VWF: variants seen among roughly 807,000 people sequenced by gnomAD.
VWF encodes the protein von Willebrand factor, also known as Factor VIII related antigen.
In VWF, 176 loss-of-function variants were observed where a neutral mutation model predicts 308.6. That is an observed-to-expected ratio of 0.57 (90% CI 0.50 to 0.65). The LOEUF is 0.65. VWF is among the 30% of genes least tolerant of loss of function. The probability of loss-of-function intolerance (pLI) is 0.00; values close to 1 mark genes in which losing one functional copy is unlikely to be tolerated. For synonymous variants in VWF, 1,385 were observed against 1,443.4 expected (o/e 0.96, Z 0.92); for missense variants, 3,146 against 3,648.2 (o/e 0.86, Z 3.55).
rs549075567 is a variant in VWF at position 6,025,824 on chromosome 12, C to T, written c.3108+82G>A. Reference sequence around the variant, plus strand: ...GGTCATACCACCCACAACCCCCCTTCCAGCCCCCATGACAATGGGGACAGA... The same window carrying T: ...GGTCATACCACCCACAACCCCCCTTTCAGCCCCCATGACAATGGGGACAGA... On this transcript the variant is annotated intron_variant, in intron 23 of 51. Coordinates refer to ENST00000261405, the MANE Select transcript of VWF (RefSeq NM_000552.5). 8.0e-5 allele frequency: 129 copies of T among 1,606,132 alleles called. 1 individual carries two copies. In the South Asian group the frequency reaches 1.3e-3, roughly 16 times the overall value.
intron 38 of VWF, among the ~76,000 whole-genome samples, chr12:5,987,551 A>T (rs1943692649): frequency 6.6e-6 from 1 of 152,228 alleles, no homozygotes; most frequent in Non-Finnish European, 1.5e-5. Context: ...ACACCATCCT[A>T]GCCCTCGAAT....
At chr12:5,976,392 C>T in intron 42 of VWF, 132 bp from the exon 43 acceptor site, 1 of 1,161,934 alleles carries the variant, frequency 8.6e-7, no homozygotes, top group Non-Finnish European at 1.3e-6. Flanking sequence ...TGGTCTCCGC[C>T]CATATGCAGG....
At chr12:5,976,061 A>G in intron 43 of VWF, 50 bp downstream of exon 43, 1 of 1,608,952 alleles carries the variant, frequency 6.2e-7, no homozygotes, top group Non-Finnish European at 8.5e-7. Context: ...GCCCTCCTCT[A>G]CTTTCCCGCT....
intron 10 of VWF, among the ~76,000 whole-genome samples, chr12:6,066,622 G>A (rs1201880644): frequency 6.6e-6 from 1 of 152,250 alleles, no homozygotes; most frequent in African/African-American, 2.4e-5. Flanking sequence ...CCCCCTTTGG[G>A]GAACAGATGC....
chr12:6,013,435 T>G (rs1251237249), intron 32 of VWF, 46 bp downstream of exon 32: 1 of 1,611,124 alleles, frequency 6.2e-7, no homozygotes, highest in Non-Finnish European at 8.5e-7. Flanking sequence ...GGGTTTATTT[T>G]GGAACTTTTT....
chr12:5,994,787 G>C (rs1943791003), intron 35 of VWF, among the ~76,000 whole-genome samples, 180 bp from the exon 36 acceptor site: 1 of 152,202 alleles, frequency 6.6e-6, no homozygotes, highest in South Asian at 2.1e-4. Context: ...AACAGAGCTT[G>C]ACTTTACAGA....
chr12:6,025,715 G>A, intron 23 of VWF, 22 bp from the exon 24 acceptor site: 1 of 1,313,370 alleles, frequency 7.6e-7, no homozygotes, highest in Non-Finnish European at 1.1e-6. Flanking sequence ...GCAAGAGATA[G>A]GCCAGCCGTC....
chr12:6,074,941 G>T (rs553380339), intron 7 of VWF, among the ~76,000 whole-genome samples: 1 of 152,128 alleles, frequency 6.6e-6, no homozygotes, highest in Admixed American at 6.6e-5. Context: ...CACCACACAC[G>T]GACAGCCAGG....
rs1026800630 is a variant in VWF at position 5,969,732 on chromosome 12, C to T, written c.7549-341G>A. On this transcript the variant is annotated intron_variant, in intron 44 of 51. Transcript: ENST00000261405. ...TGGGCCATCAGTGGGAAGGTGCAGC[C>T]GGGAAGCTCAACCCATTTCCCAGGC... is the stretch of plus-strand genomic sequence containing the variant. Among the ~76,000 whole-genome samples, 30 of 152,314 alleles carry T rather than the reference C, an allele frequency of 2.0e-4. No individual in the cohort carries two copies. In the East Asian group the frequency reaches 4.8e-3, roughly 25 times the overall value.
chr12:6,080,528 G>A (rs545622336), intron 6 of VWF, among the ~76,000 whole-genome samples: 83 of 152,332 alleles, frequency 5.4e-4, no homozygotes, highest in African/African-American at 1.9e-3. Flanking sequence ...TGCAACATAG[G>A]ACTTAGGCTG....
At chr12:6,010,334 A>T (rs755183288) in intron 34 of VWF, among the ~76,000 whole-genome samples, 6 of 152,344 alleles carry the variant, frequency 3.9e-5, no homozygotes, top group Non-Finnish European at 4.4e-5. Flanking sequence ...CTGTAACAAC[A>T]CACTCAGCAA....
In VWF at chr12:6,012,682, C is replaced by CGTGT. The variant is rs139765093; in HGVS notation, c.5621-556_5621-553dup. Among the ~76,000 whole-genome samples, 670 of 143,828 alleles carry CGTGT rather than the reference C, an allele frequency of 4.7e-3. 8 individuals are homozygous for CGTGT. The highest frequency in any genetic ancestry group is 0.015 in the African/African-American group (572 of 38,086). 94.4% of individuals were successfully genotyped at this position (143,828 alleles called of 152,430 possible). A position where few individuals can be genotyped will look rare whatever the true frequency, so the allele number is the denominator to read the frequency against. On this transcript the variant is annotated intron_variant, in intron 32 of 51. Coordinates refer to ENST00000261405, the MANE Select transcript of VWF (RefSeq NM_000552.5). ...ACCCAGGCCCCCGCCACAAAAAAAG[C>CGTGT]GTGTGTGTGTGTGTGTGTGTATTTT... is the stretch of plus-strand genomic sequence containing the variant.
chr12:6,050,592 T>TGA (rs1944497626), intron 16 of VWF, among the ~76,000 whole-genome samples: 2 of 152,344 alleles, frequency 1.3e-5, no homozygotes, highest in Admixed American at 1.3e-4. Context: ...CATGCGTTCA[T>TGA]GCCAGAGGAC....
intron 21 of VWF, 151 bp from the exon 22 acceptor site, chr12:6,029,639 T>G: frequency 1.0e-6 from 1 of 988,162 alleles, no homozygotes; most frequent in South Asian, 1.4e-5. Flanking sequence ...ACTGCACCCC[T>G]GCAGGGCCAG....
chr12:5,952,450 A>G lies in VWF; in HGVS notation c.8056T>C (p.Trp2686Arg), dbSNP rs1943202509. 6.2e-7 allele frequency: 1 copy of G among 1,614,084 alleles called. No individual in the cohort carries two copies. Among genetic ancestry groups the G allele is most frequent in the African/African-American group, 1.3e-5 (1 of 74,948 alleles). ...CKVNERGEYF[W>R]EKRVTGCPPF... ...GGGCAGCCTGTGACCCTCTTCTCCC[A>G]GAAGTACTCTCCTCTCTCATTGACC... Residue 2686 changes from tryptophan (W) to arginine (R), a missense_variant, in exon 49 of 52, where the codon TGG (tryptophan) becomes CGG (arginine). Coordinates refer to ENST00000261405, the MANE Select transcript of VWF (RefSeq NM_000552.5).
chr12:6,066,232 C>G (rs1422242153), intron 10 of VWF, among the ~76,000 whole-genome samples: 1 of 152,210 alleles, frequency 6.6e-6, no homozygotes, highest in Non-Finnish European at 1.5e-5. Context: ...GGGGAGGCCT[C>G]TGCCAATGTC....
chr12:5,965,728 C>G (rs77641314), intron 47 of VWF, among the ~76,000 whole-genome samples: 4,354 of 152,272 alleles, frequency 0.029, 200 homozygotes, highest in African/African-American at 0.098. Flanking sequence ...ACAGCTACCC[C>G]CAACCCAGGA....
intron 6 of VWF, among the ~76,000 whole-genome samples, chr12:6,086,098 C>A (rs1243661294): frequency 1.3e-5 from 2 of 152,096 alleles, no homozygotes; most frequent in African/African-American, 2.4e-5. Context: ...GGTGCCTATC[C>A]ATGGGGGGTT....
chr12:5,980,868 T>C (rs144619698), intron 42 of VWF, among the ~76,000 whole-genome samples: 29 of 152,374 alleles, frequency 1.9e-4, no homozygotes, highest in African/African-American at 6.5e-4. Context: ...GTCTTCCTGC[T>C]GCAGTTCTGG....
Sources: allele counts gnomAD v4.1 joint callset (sites outside exome capture counted in the v4.1 genomes callset), GRCh38; gene constraint gnomAD v4.1.1; transcripts MANE v1.5; gene names NCBI Gene and HGNC (gene_info 2026-07-23, HGNC 2026-07-21).